Variants in LRRC20 observed in about 807,000 individuals in gnomAD.
LRRC20 encodes the protein leucine rich repeat containing 20, also known as leucine-rich repeat-containing protein 20.
In LRRC20, 11 loss-of-function variants were observed where a neutral mutation model predicts 14.4. The ratio of observed to expected loss-of-function variants is 0.77; its 90% CI spans 0.48 to 1.27. The LOEUF is 1.27. LRRC20 is among the 50% of genes most tolerant of loss of function. The probability of loss-of-function intolerance (pLI) is 0.00; values close to 1 mark genes in which losing one functional copy is unlikely to be tolerated. For synonymous variants in LRRC20, 121 were observed against 107.3 expected (o/e 1.13, Z -0.79); for missense variants, 219 against 251.2 (o/e 0.87, Z 0.87).
chr10:70,320,654 A>G (rs1401452667), intron 4 of LRRC20, among the ~76,000 whole-genome samples: 1 of 152,158 alleles, frequency 6.6e-6, no homozygotes, highest in Non-Finnish European at 1.5e-5. Context: ...GTGGAGGTGG[A>G]GGGCAGAGAA....
intron 2 of LRRC20, among the ~76,000 whole-genome samples, chr10:70,354,657 A>T (rs1655467035): frequency 6.6e-6 from 1 of 152,168 alleles, no homozygotes; most frequent in South Asian, 2.1e-4. Flanking sequence ...TAATGACAGT[A>T]ACTGAGTGCT....
intron 2 of LRRC20, among the ~76,000 whole-genome samples, chr10:70,366,259 C>T (rs952468011): frequency 2.0e-5 from 3 of 151,162 alleles, no homozygotes; most frequent in Non-Finnish European, 4.4e-5. Context: ...CCCGTCTCTA[C>T]TAAAAATATA....
intron 2 of LRRC20, among the ~76,000 whole-genome samples, chr10:70,345,325 G>A (rs1235231873): frequency 1.3e-5 from 2 of 151,820 alleles, no homozygotes; most frequent in African/African-American, 4.8e-5. Context: ...ATACATCCTA[G>A]ATAGAATTAC....
intron 2 of LRRC20, among the ~76,000 whole-genome samples, chr10:70,351,151 A>T (rs1020007137): frequency 2.0e-5 from 3 of 151,732 alleles, no homozygotes; most frequent in Admixed American, 1.3e-4. Context: ...ATGGCACTCC[A>T]GCCTAGGTGA....
chr10:70,371,920 C>G (rs770881535), intron 2 of LRRC20, among the ~76,000 whole-genome samples: 18 of 152,102 alleles, frequency 1.2e-4, no homozygotes, highest in Admixed American at 5.2e-4. Context: ...GCCAGGGGTG[C>G]CCCAGGAGCA....
intron 1 of LRRC20, 148 bp from the exon 2 acceptor site, chr10:70,376,744 C>T (rs1420912348): frequency 3.5e-6 from 2 of 577,630 alleles, no homozygotes; most frequent in Middle Eastern, 4.6e-4. Context: ...CTTGCAGGGC[C>T]GAGAGCTCAG....
intron 1 of LRRC20, 44 bp from the exon 2 acceptor site, chr10:70,376,640 G>A (rs1230705719): frequency 3.8e-6 from 4 of 1,062,612 alleles, no homozygotes; most frequent in Admixed American, 3.8e-5. Context: ...TGCCAGCCAG[G>A]GGCCCACCCA....
chr10:70,348,293 T>C (rs1843154536), intron 2 of LRRC20, among the ~76,000 whole-genome samples: 1 of 152,066 alleles, frequency 6.6e-6, no homozygotes. Flanking sequence ...CTCTCACCCC[T>C]GCTGGGAGGA....
chr10:70,371,788 C>A (rs1005113281), intron 2 of LRRC20, among the ~76,000 whole-genome samples: 3 of 152,152 alleles, frequency 2.0e-5, no homozygotes, highest in African/African-American at 7.2e-5. Flanking sequence ...AGCTGAGGGC[C>A]TCCCAGGGGC....
intron 3 of LRRC20, among the ~76,000 whole-genome samples, chr10:70,334,257 C>T (rs531650559): frequency 6.6e-6 from 1 of 152,330 alleles, no homozygotes; most frequent in East Asian, 1.9e-4. Context: ...CATGTCTGCC[C>T]TGCTGTCCCT....
chr10:70,348,946 T>C (rs1843178435), intron 2 of LRRC20, among the ~76,000 whole-genome samples: 1 of 151,894 alleles, frequency 6.6e-6, no homozygotes, highest in Non-Finnish European at 1.5e-5. Flanking sequence ...GGGCCCTGAG[T>C]TTATAGGAAC....
chr10:70,319,528 A>G (rs1841999869), intron 4 of LRRC20, among the ~76,000 whole-genome samples: 1 of 152,066 alleles, frequency 6.6e-6, no homozygotes, highest in African/African-American at 2.4e-5. Flanking sequence ...CCACCCTCCC[A>G]CTGAGAGTCC....
intron 1 of LRRC20, 137 bp downstream of exon 1, chr10:70,382,412 G>A (rs1182154132): frequency 6.6e-6 from 1 of 152,396 alleles, no homozygotes; most frequent in Non-Finnish European, 1.5e-5. Context: ...CTGGGGGAGG[G>A]GAGGGGACGC....
At chr10:70,364,499 T>C (rs1843890027) in intron 2 of LRRC20, among the ~76,000 whole-genome samples, 1 of 152,234 alleles carries the variant, frequency 6.6e-6, no homozygotes, top group African/African-American at 2.4e-5. Flanking sequence ...ATTAAGTGTT[T>C]CCTGAGTACT....
chr10:70,329,766 T>C (rs1013486550), intron 3 of LRRC20, among the ~76,000 whole-genome samples: 1 of 152,122 alleles, frequency 6.6e-6, no homozygotes, highest in African/African-American at 2.4e-5. Context: ...GGTTTCCCCA[T>C]GTTGCCCAGG....
chr10:70,303,790 C>A (rs933192266), intron 4 of LRRC20, among the ~76,000 whole-genome samples: 1 of 152,168 alleles, frequency 6.6e-6, no homozygotes, highest in Non-Finnish European at 1.5e-5. Context: ...GTATTACTTC[C>A]CGTACCTTGT....
Position 70,300,453 on chromosome 10 carries a change from G to A in LRRC20, c.*901C>T, listed in dbSNP as rs566978106. 2.2e-4 allele frequency: 215 copies of A among 985,528 alleles called. No individual in the cohort carries two copies. Among genetic ancestry groups the A allele is most frequent in the South Asian group, 1.5e-3 (31 of 21,292 alleles). 61.0% of individuals were successfully genotyped at this position (985,528 alleles called of 1,614,324 possible). ...GGCTACAAATCCCGTGGTCCACATC[G>A]CCTTCTGCCCCCAGGAGGCCATGAC... On this transcript the variant is annotated 3_prime_UTR_variant, in exon 5 of 5. Coordinates refer to ENST00000446961, the MANE Select transcript of LRRC20 (RefSeq NM_001278212.2).
At chr10:70,364,458 C>G (rs920000520) in intron 2 of LRRC20, among the ~76,000 whole-genome samples, 1 of 152,198 alleles carries the variant, frequency 6.6e-6, no homozygotes, top group Non-Finnish European at 1.5e-5. Context: ...AATTTCTGAA[C>G]GAAGAAAATG....
chr10:70,379,214 C>T (rs987805112), intron 1 of LRRC20, among the ~76,000 whole-genome samples: 10 of 152,196 alleles, frequency 6.6e-5, no homozygotes, highest in African/African-American at 2.2e-4. Flanking sequence ...GGCCAATCTG[C>T]ATAAGGCGAG....
Sources: allele counts gnomAD v4.1 joint callset (sites outside exome capture counted in the v4.1 genomes callset), GRCh38; gene constraint gnomAD v4.1.1; transcripts MANE v1.5; gene names NCBI Gene and HGNC (gene_info 2026-07-23, HGNC 2026-07-21).